PPM1B: variants seen among roughly 807,000 people sequenced by gnomAD.
The protein encoded by PPM1B is protein phosphatase, Mg2+/Mn2+ dependent 1B.
In PPM1B, 22 loss-of-function variants were observed where a neutral mutation model predicts 43.0. The observed-to-expected ratio is 0.51, with a 90% CI of 0.37 to 0.73. The LOEUF is 0.73. Among genes scored for constraint, PPM1B ranks in the 30% least tolerant of loss-of-function variants. The probability of loss-of-function intolerance (pLI) is 0.00; values close to 1 mark genes in which losing one functional copy is unlikely to be tolerated. For synonymous variants in PPM1B, 217 were observed against 197.9 expected (o/e 1.10, Z -0.81); for missense variants, 632 against 584.2 (o/e 1.08, Z -0.84).
intron 2 of PPM1B, among the ~76,000 whole-genome samples, chr2:44,208,151 G>A (rs1172148018): frequency 6.6e-6 from 1 of 151,952 alleles, no homozygotes; most frequent in Admixed American, 6.6e-5. Flanking sequence ...GCCTCCCAAA[G>A]TGCTGGGATT....
chr2:44,222,607 T>A (rs1558426405), intron 5 of PPM1B, among the ~76,000 whole-genome samples: 2 of 152,166 alleles, frequency 1.3e-5, no homozygotes, highest in Non-Finnish European at 2.9e-5. Context: ...AGCACCCTTC[T>A]TTTACACATG....
intron 1 of PPM1B, among the ~76,000 whole-genome samples, chr2:44,183,255 C>T (rs1667966952): frequency 6.6e-6 from 1 of 152,232 alleles, no homozygotes; most frequent in Non-Finnish European, 1.5e-5. Flanking sequence ...CCACTACCAT[C>T]TTAGACTGTC....
intron 3 of PPM1B, among the ~76,000 whole-genome samples, chr2:44,211,780 G>A (rs1051905310): frequency 2.5e-4 from 31 of 123,232 alleles, no homozygotes; most frequent in South Asian, 1.5e-3. Context: ...ATGGAGTTTC[G>A]CTGTTGTTGC....
At chr2:44,169,466 G>T (rs1667212167) in intron 1 of PPM1B, among the ~76,000 whole-genome samples, 192 bp downstream of exon 1, 2 of 152,348 alleles carry the variant, frequency 1.3e-5, no homozygotes, top group Admixed American at 1.3e-4. Context: ...TCGGGTATAG[G>T]CCCCTTCCCC....
intron 1 of PPM1B, among the ~76,000 whole-genome samples, chr2:44,179,096 T>G (rs1667733595): frequency 6.6e-6 from 1 of 152,152 alleles, no homozygotes; most frequent in South Asian, 2.1e-4. Flanking sequence ...CTCATGATAA[T>G]GAGTAAGTCT....
Position 44,207,635 on chromosome 2 carries a change from G to A in PPM1B, c.847-1575G>A, listed in dbSNP as rs149793509. Among the ~76,000 whole-genome samples, 591 of 151,660 alleles carry A rather than the reference G, an allele frequency of 3.9e-3. 5 individuals are homozygous for A. Among genetic ancestry groups the A allele is most frequent in the African/African-American group, 0.014 (570 of 41,350 alleles). On this transcript the variant is annotated intron_variant, in intron 2 of 5. Coordinates refer to ENST00000282412, the MANE Select transcript of PPM1B (RefSeq NM_002706.6). Reference sequence around the variant, plus strand: ...CTGTTGCCCAGGCTAGAGTGCAGTGGTGTCATCACGGCTCACTGCAATCTC... The same window carrying A: ...CTGTTGCCCAGGCTAGAGTGCAGTGATGTCATCACGGCTCACTGCAATCTC...
chr2:44,236,396 C>G (rs1388895331), downstream of PPM1B, among the ~76,000 whole-genome samples: 1 of 29,122 alleles, frequency 3.4e-5, no homozygotes, highest in Non-Finnish European at 9.1e-5. Context: ...GAGGGAGACT[C>G]CGTCTCAAAA....
chr2:44,240,575 AT>A (rs769273914), intron 5 of PPM1B, among the ~76,000 whole-genome samples: 3 of 128,442 alleles, frequency 2.3e-5, no homozygotes, highest in African/African-American at 9.4e-5. Flanking sequence ...AATATCTAAA[AT>A]TTAAAAAAAA....
At chr2:44,175,982 C>T (rs1254557475) in intron 1 of PPM1B, among the ~76,000 whole-genome samples, 8 of 152,066 alleles carry the variant, frequency 5.3e-5, no homozygotes, top group Admixed American at 4.6e-4. Flanking sequence ...GATGGGGTTT[C>T]ACTATGTTGG....
intron 1 of PPM1B, among the ~76,000 whole-genome samples, chr2:44,175,741 A>G (rs149485325): frequency 8.5e-5 from 13 of 152,146 alleles, no homozygotes; most frequent in Admixed American, 8.5e-4. Context: ...GAAAAGAGGA[A>G]AGAGGAAATA....
chr2:44,192,257 G>A (rs1057288966), intron 1 of PPM1B, among the ~76,000 whole-genome samples: 7 of 149,350 alleles, frequency 4.7e-5, no homozygotes, highest in Non-Finnish European at 7.4e-5. Context: ...TCGCTCTGTC[G>A]CCCAGGCTGG....
chr2:44,211,842 G>A (rs770180437), intron 3 of PPM1B, among the ~76,000 whole-genome samples: 4 of 150,930 alleles, frequency 2.7e-5, no homozygotes, highest in Non-Finnish European at 4.4e-5. Context: ...CTCTGCCTCC[G>A]GGGTTCAAGT....
In PPM1B at chr2:44,230,670, C is replaced by G. The variant is rs1015419158; in HGVS notation, c.1392C>G (p.Asp464Glu). 3 of 1,613,850 alleles carry G rather than the reference C, an allele frequency of 1.9e-6. No individual in the cohort carries two copies. Among genetic ancestry groups the G allele is most frequent in the Non-Finnish European group, 2.5e-6 (3 of 1,179,884 alleles). The change falls in exon 6 of 6, where the codon GAC (aspartate) becomes GAG (glutamate). Residue 464 changes from aspartate to glutamate, a missense_variant. Physicochemically the swap from Asp to Glu is conservative, Grantham distance 45. Transcript: ENST00000282412. ...CAGAAAGTGGTCTTGCTGAATTAGACAGCTCTAATGAAGATGCAGGGACAA... is the reference window on the plus strand; with the variant it reads ...CAGAAAGTGGTCTTGCTGAATTAGAGAGCTCTAATGAAGATGCAGGGACAA... ...TESESGLAEL[D>E]SSNEDAGTKM...
At chr2:44,208,245 AAT>A (rs1321839819) in intron 2 of PPM1B, among the ~76,000 whole-genome samples, 1 of 152,162 alleles carries the variant, frequency 6.6e-6, no homozygotes, top group Non-Finnish European at 1.5e-5. Context: ...GGAGAAATAA[AAT>A]ATGTCCTTAA....
intron 1 of PPM1B, among the ~76,000 whole-genome samples, chr2:44,170,684 C>G (rs1482770887): frequency 6.6e-6 from 1 of 152,176 alleles, no homozygotes; most frequent in Non-Finnish European, 1.5e-5. Context: ...TGTTGGCCTA[C>G]TTTTAAATGG....
At chr2:44,218,122 T>A (rs1669810817) in intron 4 of PPM1B, 44 bp downstream of exon 4, 1 of 1,380,746 alleles carries the variant, frequency 7.2e-7, no homozygotes, top group African/African-American at 1.4e-5. Context: ...TCATAATTAG[T>A]AATTAAATAA....
chr2:44,228,230 C>T (rs1170261221), intron 5 of PPM1B, among the ~76,000 whole-genome samples: 2 of 129,476 alleles, frequency 1.5e-5, no homozygotes, highest in African/African-American at 5.7e-5. Context: ...CTCTGTCGTT[C>T]AGACTGGTGT....
At chr2:44,237,964 G>T (rs913651218), downstream of PPM1B, among the ~76,000 whole-genome samples, 12 of 152,116 alleles carry the variant, frequency 7.9e-5, no homozygotes, top group Admixed American at 6.5e-5. Context: ...GCAATGGCAC[G>T]ATCTCGGCTC....
intron 5 of PPM1B, among the ~76,000 whole-genome samples, chr2:44,224,812 T>TTAG (rs918126501): frequency 2.4e-4 from 36 of 152,284 alleles, no homozygotes; most frequent in African/African-American, 8.2e-4. Flanking sequence ...TTAATCAACA[T>TTAG]AACTAGTGTT....
Sources: allele counts gnomAD v4.1 joint callset (sites outside exome capture counted in the v4.1 genomes callset), GRCh38; gene constraint gnomAD v4.1.1; transcripts MANE v1.5; gene names NCBI Gene and HGNC (gene_info 2026-07-23, HGNC 2026-07-21).